The following RGS5 variants were observed in gnomAD, a reference collection of about 807,000 sequenced individuals.
RGS5 encodes the protein regulator of G protein signaling 5.
A neutral mutation model predicts 18.9 loss-of-function variants in RGS5; 20 were observed. That is an observed-to-expected ratio of 1.06 (90% CI 0.74 to 1.54). RGS5 has a LOEUF of 1.54. Ranked by LOEUF, RGS5 falls within the 40% of genes most tolerant of loss-of-function variation. The pLI, the probability that RGS5 is intolerant of heterozygous loss-of-function variation, is 0.00. For missense variants in RGS5, 201 were observed against 211.8 expected, an observed-to-expected ratio of 0.95 and a Z score of 0.32; for synonymous variants, 57 against 76.2, an observed-to-expected ratio of 0.75 and a Z score of 1.31.
At chr1:163,222,235 C>T (rs755655720), upstream of RGS5, among the ~76,000 whole-genome samples, 9 of 152,098 alleles carry the variant, frequency 5.9e-5, no homozygotes, top group African/African-American at 1.2e-4. Context: ...GCCTAAATTC[C>T]GCCTCCTGTT....
In RGS5 at chr1:163,147,582, C is replaced by T. The variant is rs554328326; in HGVS notation, c.385-79G>A. ...AGGGGTGAAGAGGGAGGTGGAATTT[C>T]TCATCAATAAAACATAAGAGGGGAG... On this transcript the variant is annotated intron_variant, in intron 4 of 4. Transcript: ENST00000313961. The T allele has an allele frequency of 1.2e-3, 1,474 of 1,271,562 alleles. 4 individuals carry two copies. The highest frequency in any genetic ancestry group is 1.5e-3 in the Non-Finnish European group (1,411 of 950,682). The allele number at this position is 1,271,562 out of a possible 1,614,324, so 78.8% of individuals were successfully genotyped here.
At chr1:163,258,053 C>T (rs12143582) in intron 2 of RGS5, among the ~76,000 whole-genome samples, 29,655 of 152,018 alleles carry the variant, frequency 0.2, 3,361 homozygotes, top group Non-Finnish European at 0.25. Flanking sequence ...CCTCTCAGCA[C>T]GGCTAGGATG....
intron 2 of RGS5, among the ~76,000 whole-genome samples, chr1:163,233,271 T>G (rs1022368302): frequency 6.6e-6 from 1 of 152,246 alleles, no homozygotes; most frequent in Admixed American, 6.5e-5. Flanking sequence ...ATTGATGACA[T>G]TACTTTGACC....
At chr1:163,227,658 A>G (rs1647369526) in intron 2 of RGS5, among the ~76,000 whole-genome samples, 1 of 151,780 alleles carries the variant, frequency 6.6e-6, no homozygotes, top group Non-Finnish European at 1.5e-5. Context: ...CAAAGTCTTA[A>G]TTCATTCTAG....
chr1:163,236,692 A>T (rs1287104199), intron 2 of RGS5, among the ~76,000 whole-genome samples: 1 of 152,226 alleles, frequency 6.6e-6, no homozygotes, highest in African/African-American at 2.4e-5. Flanking sequence ...GGCCAGGCGC[A>T]GTGGCTCATG....
intron 2 of RGS5, among the ~76,000 whole-genome samples, chr1:163,273,143 T>C (rs1648764622): frequency 6.6e-6 from 1 of 152,158 alleles, no homozygotes; most frequent in South Asian, 2.1e-4. Flanking sequence ...GAGACGTATT[T>C]AGTGGCCCAG....
At chr1:163,301,831 G>C (rs1649560465) in intron 2 of RGS5, among the ~76,000 whole-genome samples, 1 of 152,034 alleles carries the variant, frequency 6.6e-6, no homozygotes, top group Non-Finnish European at 1.5e-5. Context: ...AGAAATTCTT[G>C]CTTTCACTTC....
chr1:163,230,463 TAAGATAC>T (rs1647450395), intron 2 of RGS5, among the ~76,000 whole-genome samples: 1 of 93,492 alleles, frequency 1.1e-5, no homozygotes, highest in African/African-American at 3.0e-5. Flanking sequence ...ACCTTAGTTG[TAAGATAC>T]TAAGCTTTTG....
At chr1:163,181,042 T>A (rs1263011394) in intron 1 of RGS5, among the ~76,000 whole-genome samples, 1 of 152,006 alleles carries the variant, frequency 6.6e-6, no homozygotes, top group African/African-American at 2.4e-5. Context: ...ATCCTTATAG[T>A]TTTGTTTTTT....
At chr1:163,313,264 A>C (rs16852428) in intron 1 of RGS5, among the ~76,000 whole-genome samples, 1 of 152,212 alleles carries the variant, frequency 6.6e-6, no homozygotes, top group Non-Finnish European at 1.5e-5. Context: ...TCAGGGTAGA[A>C]TATGTGGTTA....
intron 2 of RGS5, among the ~76,000 whole-genome samples, chr1:163,276,019 A>G (rs1648843889): frequency 6.6e-6 from 1 of 150,940 alleles, no homozygotes; most frequent in African/African-American, 2.4e-5. Context: ...TTTTTTTCAG[A>G]GTTTCACTCT....
At chr1:163,226,588 G>A (rs935954597) in intron 2 of RGS5, among the ~76,000 whole-genome samples, 7 of 152,144 alleles carry the variant, frequency 4.6e-5, no homozygotes, top group African/African-American at 7.2e-5. Flanking sequence ...GAGATGCACC[G>A]CCACCCTAAT....
chr1:163,213,436 C>A (rs1660149400), intron 1 of RGS5, among the ~76,000 whole-genome samples: 1 of 152,048 alleles, frequency 6.6e-6, no homozygotes, highest in South Asian at 2.1e-4. Flanking sequence ...TCATTTTGTC[C>A]CCCTCCTCTC....
At chr1:163,211,166 T>A (rs755339648) in intron 1 of RGS5, 1 of 152,098 alleles carries the variant, frequency 6.6e-6, no homozygotes, top group African/African-American at 2.4e-5. Context: ...AATTTGCTAG[T>A]GAATGGGAGT....
chr1:163,172,104 G>A (rs993500211), intron 1 of RGS5, among the ~76,000 whole-genome samples: 5 of 152,204 alleles, frequency 3.3e-5, no homozygotes, highest in African/African-American at 1.2e-4. Flanking sequence ...GCAAGAGGGT[G>A]AAATGTGAGA....
At position 163,143,060 on chromosome 1, in the gene RGS5, G is replaced by A. The variant is rs558163141; in HGVS notation, c.*4282C>T. On this transcript the variant is annotated 3_prime_UTR_variant, in exon 5 of 5. Transcript: ENST00000313961. ...CAGGAGTCTTTTCTCAGTTGGAAGA[G>A]TTGATCTTTTTAGTTTTGGGATGTG... The A allele has an allele frequency of 6.6e-6, 1 of 152,322 alleles. No homozygotes were observed. Among genetic ancestry groups the A allele is most frequent in the South Asian group, 2.1e-4 (1 of 4,826 alleles). The allele number at this position is 152,322 out of a possible 1,614,324, so 9.4% of individuals were successfully genotyped here.
Position 163,295,005 on chromosome 1 carries a change from C to A in RGS5, c.-281+11228G>T, listed in dbSNP as rs569013568. 1.8e-4 allele frequency among the ~76,000 whole-genome samples: 27 copies of A among 152,308 alleles called. 1 individual carries two copies. In the South Asian group the frequency reaches 5.4e-3, roughly 30 times the overall value. Reference sequence around the variant, plus strand: ...ATAAGTTCCTAATCTTTATCTGAGACCACCTCAGCCTGGACTTTACTGTCC... The same window carrying A: ...ATAAGTTCCTAATCTTTATCTGAGAACACCTCAGCCTGGACTTTACTGTCC... On this transcript the variant is annotated intron_variant, in intron 2 of 5. Transcript: ENST00000618415.
intron 2 of RGS5, among the ~76,000 whole-genome samples, chr1:163,268,363 C>T (rs1648626398): frequency 6.6e-6 from 1 of 152,074 alleles, no homozygotes; most frequent in Non-Finnish European, 1.5e-5. Flanking sequence ...TTTCATTTTG[C>T]AGACTAGAAA....
Position 163,259,334 on chromosome 1 carries a change from C to CT in RGS5, c.-281+46898dup, listed in dbSNP as rs200215455. 7.8e-3 allele frequency among the ~76,000 whole-genome samples: 1,120 copies of CT among 144,110 alleles called. 8 individuals carry two copies. Among genetic ancestry groups the CT allele is most frequent in the Non-Finnish European group, 0.012 (789 of 65,550 alleles). 94.5% of individuals were successfully genotyped at this position (144,110 alleles called of 152,430 possible). On this transcript the variant is annotated intron_variant, in intron 2 of 5. Transcript: ENST00000618415. ...GCCCGGCTAATTTTTTTTTTTTTATCTTTTTTTTTTCAGTAGAGACGGGGT... is the reference window on the plus strand; with the variant it reads ...GCCCGGCTAATTTTTTTTTTTTTATCTTTTTTTTTTTCAGTAGAGACGGGGT...
Sources: allele counts gnomAD v4.1 joint callset (sites outside exome capture counted in the v4.1 genomes callset), GRCh38; gene constraint gnomAD v4.1.1; transcripts MANE v1.5; gene names NCBI Gene and HGNC (gene_info 2026-07-23, HGNC 2026-07-21).